Variants in RHOD observed in about 807,000 individuals in gnomAD.
RHOD encodes rho-related GTP-binding protein RhoD.
In RHOD, 11 loss-of-function variants were observed where a neutral mutation model predicts 16.7. The ratio of observed to expected loss-of-function variants is 0.66; its 90% CI spans 0.41 to 1.09. RHOD has a LOEUF of 1.09. RHOD is among the 50% of genes least tolerant of loss of function. The pLI is 0.00. For missense variants in RHOD, 271 were observed against 291.7 expected, an observed-to-expected ratio of 0.93 and a Z score of 0.52; for synonymous variants, 124 against 126.3, an observed-to-expected ratio of 0.98 and a Z score of 0.12.
intron 1 of RHOD, among the ~76,000 whole-genome samples, chr11:67,060,665 C>A (rs1854874547): frequency 2.6e-5 from 4 of 152,232 alleles, no homozygotes. Flanking sequence ...CAAGTCATTT[C>A]CTCTCTCTGG....
At chr11:67,067,405 C>T (rs997252108) in intron 3 of RHOD, among the ~76,000 whole-genome samples, 4 of 152,132 alleles carry the variant, frequency 2.6e-5, no homozygotes, top group Non-Finnish European at 4.4e-5. Context: ...ACAACAACAA[C>T]GGTGACAATT....
At chr11:67,060,567 A>G (rs183826725) in intron 1 of RHOD, among the ~76,000 whole-genome samples, 38 of 152,348 alleles carry the variant, frequency 2.5e-4, no homozygotes, top group African/African-American at 8.9e-4. Flanking sequence ...ACCTCAGGAA[A>G]GGCAGGTGGC....
intron 2 of RHOD, among the ~76,000 whole-genome samples, chr11:67,066,320 C>A (rs1462995550): frequency 6.6e-6 from 1 of 152,228 alleles, no homozygotes; most frequent in Admixed American, 6.5e-5. Context: ...AGCCTCCTGA[C>A]CTTGCCTATA....
intron 4 of RHOD, among the ~76,000 whole-genome samples, chr11:67,071,110 G>A (rs1258427326): frequency 6.6e-6 from 1 of 152,018 alleles, no homozygotes; most frequent in Non-Finnish European, 1.5e-5. Flanking sequence ...GGTGGCGGGT[G>A]CCTGTAGTCC....
At chr11:67,068,089 A>C (rs549767306) in intron 3 of RHOD, among the ~76,000 whole-genome samples, 10 of 152,058 alleles carry the variant, frequency 6.6e-5, no homozygotes, top group African/African-American at 2.2e-4. Flanking sequence ...GTGAGCCACC[A>C]CGCCCAGCCT....
chr11:67,065,859 G>T, intron 1 of RHOD, 37 bp from the exon 2 acceptor site: 9 of 1,475,866 alleles, frequency 6.1e-6, no homozygotes, highest in Non-Finnish European at 8.5e-6. Flanking sequence ...CCTCTCCGAA[G>T]CCTCCTCACA....
intron 3 of RHOD, among the ~76,000 whole-genome samples, chr11:67,069,382 G>A (rs537345299): frequency 5.3e-4 from 78 of 148,378 alleles, no homozygotes; most frequent in African/African-American, 1.3e-3. Context: ...TTTTTGAGAC[G>A]GAGTCTCACT....
At chr11:67,061,756 ATATAT>A (rs1854891663) in intron 1 of RHOD, among the ~76,000 whole-genome samples, 1 of 107,232 alleles carries the variant, frequency 9.3e-6, no homozygotes, top group African/African-American at 5.4e-5. Flanking sequence ...AAAAAAAAAA[ATATAT>A]ATATATATAT....
rs557591635 is a variant in RHOD at position 67,069,732 on chromosome 11, G to A, written c.331-693G>A. 2.0e-5 allele frequency among the ~76,000 whole-genome samples: 3 copies of A among 150,490 alleles called. No individual in the cohort carries two copies. The East Asian group carries it at 5.9e-4, about 30-fold the overall frequency. On this transcript the variant is annotated intron_variant, in intron 3 of 4. Transcript: ENST00000308831. ...TTTTGAGATGGAGTTTCACTCTGTCGCCCAGGCTGGAATGCAGTGGCGCGA... is the reference window on the plus strand; with the variant it reads ...TTTTGAGATGGAGTTTCACTCTGTCACCCAGGCTGGAATGCAGTGGCGCGA...
intron 2 of RHOD, among the ~76,000 whole-genome samples, chr11:67,066,293 CG>C (rs2136248124): frequency 6.6e-6 from 1 of 152,292 alleles, no homozygotes; most frequent in East Asian, 1.9e-4. Context: ...TCTGTCTGTC[CG>C]TGGCCTCTGC....
intron 2 of RHOD, 131 bp downstream of exon 2, chr11:67,066,114 G>C (rs574624601): frequency 1.3e-6 from 1 of 753,762 alleles, no homozygotes; most frequent in South Asian, 1.7e-5. Flanking sequence ...TGGGCCAGGA[G>C]TGGGCCCAGG....
At chr11:67,058,005 A>AT (rs1447496302) in intron 1 of RHOD, among the ~76,000 whole-genome samples, 7 of 150,340 alleles carry the variant, frequency 4.7e-5, no homozygotes, top group Non-Finnish European at 7.4e-5. Context: ...TTTTATTTTT[A>AT]TTTTTTTTGA....
At chr11:67,058,798 C>T (rs1301440979) in intron 1 of RHOD, among the ~76,000 whole-genome samples, 3 of 152,346 alleles carry the variant, frequency 2.0e-5, no homozygotes, top group African/African-American at 7.2e-5. Flanking sequence ...TGGCATTGAG[C>T]CACTTTTGTT....
intron 1 of RHOD, among the ~76,000 whole-genome samples, chr11:67,061,538 A>G (rs549751812): frequency 9.3e-4 from 141 of 151,598 alleles, no homozygotes; most frequent in African/African-American, 3.3e-3. Flanking sequence ...AGGCTGAGGC[A>G]GGAGAATCGC....
intron 1 of RHOD, among the ~76,000 whole-genome samples, chr11:67,060,617 C>T (rs1356841894): frequency 6.6e-6 from 1 of 152,246 alleles, no homozygotes; most frequent in Admixed American, 6.5e-5. Context: ...AAAGACCTGG[C>T]TCTGTCACTA....
intron 4 of RHOD, 34 bp from the exon 5 acceptor site, chr11:67,071,401 C>G (rs936432889): frequency 1.2e-5 from 18 of 1,546,144 alleles, no homozygotes; most frequent in Middle Eastern, 1.7e-4. Context: ...CCCAGTGCCC[C>G]CTTCACCGCA....
chr11:67,069,640 G>A (rs1298936691), intron 3 of RHOD, among the ~76,000 whole-genome samples: 2 of 151,256 alleles, frequency 1.3e-5, no homozygotes, highest in East Asian at 2.0e-4. Flanking sequence ...GATTACAGGC[G>A]TGAGCCACCG....
chr11:67,068,308 G>A (rs1016317210), intron 3 of RHOD, among the ~76,000 whole-genome samples: 1 of 152,180 alleles, frequency 6.6e-6, no homozygotes, highest in African/African-American at 2.4e-5. Context: ...AGTAAAGCCT[G>A]GGGGAGGCTG....
chr11:67,066,168 C>T (rs1381018226), intron 2 of RHOD, among the ~76,000 whole-genome samples, 185 bp downstream of exon 2: 1 of 152,208 alleles, frequency 6.6e-6, no homozygotes, highest in Non-Finnish European at 1.5e-5. Context: ...TCCTGCACCC[C>T]CAGCACCCCA....
Sources: gnomAD v4.1 joint callset for allele counts (sites outside exome capture counted in the v4.1 genomes callset) on GRCh38, gnomAD v4.1.1 for gene constraint, MANE v1.5 for transcripts, NCBI Gene and HGNC (gene_info 2026-07-23, HGNC 2026-07-21) for gene names.